SIN3B: variants seen among roughly 807,000 people sequenced by gnomAD.
The protein encoded by SIN3B is SIN3 transcription regulator family member B, also known as paired amphipathic helix protein Sin3b.
A neutral mutation model predicts 120.2 loss-of-function variants in SIN3B; 19 were observed. That is an observed-to-expected ratio of 0.16 (90% CI 0.11 to 0.23). The LOEUF (loss-of-function observed/expected upper bound fraction) is 0.23. Among genes scored for constraint, SIN3B ranks in the 10% least tolerant of loss-of-function variants. SIN3B has a pLI of 1.00. For synonymous variants in SIN3B, 654 were observed against 653.2 expected, an observed-to-expected ratio of 1.00 and a Z score of -0.02; for missense variants, 1,073 against 1,573.0, an observed-to-expected ratio of 0.68 and a Z score of 5.38.
At chr19:16,854,709 G>T (rs1193808122) in intron 8 of SIN3B, 1 of 156,282 alleles carries the variant, frequency 6.4e-6, no homozygotes, top group Non-Finnish European at 1.4e-5. Context: ...GTGTGGCGGG[G>T]TGAGCGCCCT....
Position 16,831,411 on chromosome 19 carries a change from G to A in SIN3B, c.228-83G>A, listed in dbSNP as rs1319240463. ...TGTCTGTTGAGAAGGTTTTTATGTG[G>A]CAGTATCAAGGGAGTGGGGAATAGA... On this transcript the variant is annotated intron_variant, in intron 2 of 18. Coordinates refer to ENST00000248054, the MANE Select transcript of SIN3B (RefSeq NM_001297595.2). 12 of 1,369,582 alleles carry A rather than the reference G, an allele frequency of 8.8e-6. No homozygotes were observed. The East Asian group carries it at 2.1e-4, about 24-fold the overall frequency. The allele number at this position is 1,369,582 out of a possible 1,614,324, so 84.8% of individuals were successfully genotyped here.
chr19:16,862,607 A>C lies in SIN3B; in HGVS notation c.1266+48A>C. ...TGTTCGTTGACATGGTGCATCCCCC[A>C]CCCCTCCCCAGCAAACACCCGATAC... is the stretch of plus-strand genomic sequence containing the variant. On this transcript the variant is annotated intron_variant, in intron 9 of 18. Coordinates refer to ENST00000248054, the MANE Select transcript of SIN3B (RefSeq NM_001297595.2). This position sits in a 1 kb window ranked among gnomAD's most constrained non-coding sequence, Gnocchi z 4.7. 2 of 1,508,260 alleles carry C rather than the reference A, an allele frequency of 1.3e-6. No individual in the cohort carries two copies. Among genetic ancestry groups the C allele is most frequent in the East Asian group, 2.3e-5 (1 of 43,456 alleles). The allele number at this position is 1,508,260 out of a possible 1,614,324, so 93.4% of individuals were successfully genotyped here.
intron 5 of SIN3B, among the ~76,000 whole-genome samples, chr19:16,849,566 C>T (rs543352959): frequency 2.6e-5 from 4 of 152,164 alleles, no homozygotes; most frequent in Non-Finnish European, 4.4e-5. Context: ...TTGCCATTCC[C>T]TAGCCTAGGT....
At chr19:16,854,290 A>G (rs1568418488) in intron 8 of SIN3B, 29 bp downstream of exon 8, 2 of 1,463,768 alleles carry the variant, frequency 1.4e-6, no homozygotes, top group Admixed American at 1.8e-5. Flanking sequence ...AGGGCTCCCT[A>G]GGGGGGTTCT....
At chr19:16,868,108 C>T (rs970464982) in intron 12 of SIN3B, among the ~76,000 whole-genome samples, 1 of 152,136 alleles carries the variant, frequency 6.6e-6, no homozygotes, top group Non-Finnish European at 1.5e-5. Flanking sequence ...GGTTACAGAT[C>T]ATGGACATGG....
At chr19:16,878,076 A>G (rs1485323193) in intron 17 of SIN3B, 107 bp from the exon 18 acceptor site, 3 of 899,140 alleles carry the variant, frequency 3.3e-6, no homozygotes, top group African/African-American at 1.7e-5. Flanking sequence ...GACCCCTGGG[A>G]GGTAGCACAT....
At position 16,847,083 on chromosome 19, in the gene SIN3B, A is replaced by G. The variant is rs1446424014; in HGVS notation, c.696A>G (p.Gly232=). 6.2e-7 allele frequency: 1 copy of G among 1,613,844 alleles called. No individual in the cohort carries two copies. The highest frequency in any genetic ancestry group is 8.5e-7 in the Non-Finnish European group (1 of 1,179,808). The change falls in exon 5 of 19, where the codon GGA becomes GGG. Residue 232 remains glycine (G), a synonymous_variant. Transcript: ENST00000248054. ...AGGAGGACCTGCTCTCAGAGTTTGG[A>G]CAGTTCCTGCCCGAAGCCAAGCGGT... ...RGQEDLLSEF[G]QFLPEAKRSL...
At position 16,869,460 on chromosome 19, in the gene SIN3B, C is replaced by G; in HGVS notation, c.1807C>G (p.His603Asp). ...LNEIESVYDE[H>D]QEQHSEGRSA... ...CTAATGGCCGCCCTTCCCCCCACAG[C>G]ACCAGGAGCAGCACTCGGAGGGCCG... The change falls in exon 13 of 19, where the codon CAC becomes GAC. Residue 603 changes from histidine (H) to aspartate (D), a missense_variant and splice_region_variant. His to Asp is a moderately conservative substitution (Grantham distance 81, BLOSUM62 -1). Transcript: ENST00000248054. 1 of 1,602,622 alleles carries G rather than the reference C, an allele frequency of 6.2e-7. No individual in the cohort carries two copies. Among genetic ancestry groups the G allele is most frequent in the Non-Finnish European group, 8.5e-7 (1 of 1,171,860 alleles).
chr19:16,855,805 C>T (rs1314869968), intron 8 of SIN3B: 1 of 152,206 alleles, frequency 6.6e-6, no homozygotes, highest in African/African-American at 2.4e-5. Context: ...CCTGTAATCC[C>T]AACACTTTGG....
rs758944564 is a variant in SIN3B, at chr19:16,869,507, G to C, written c.1854G>C (p.Pro618=). 1 of 1,613,374 alleles carries C rather than the reference G, an allele frequency of 6.2e-7. No individual in the cohort carries two copies. Among genetic ancestry groups the C allele is most frequent in the Non-Finnish European group, 8.5e-7 (1 of 1,179,774 alleles). The change falls in exon 13 of 19, where the codon CCG becomes CCC. Residue 618 remains proline, a synonymous_variant. Transcript: ENST00000248054. ...GCCGCAGTGCCCCCTCTAGCGAGCCGCACCTCATCTTTGTGTACGAGGACC... is the reference window on the plus strand; with the variant it reads ...GCCGCAGTGCCCCCTCTAGCGAGCCCCACCTCATCTTTGTGTACGAGGACC... ...SEGRSAPSSE[P]HLIFVYEDRQ...
intron 3 of SIN3B, among the ~76,000 whole-genome samples, chr19:16,839,037 A>G (rs995191732): frequency 7.6e-6 from 1 of 132,404 alleles, no homozygotes; most frequent in Non-Finnish European, 1.5e-5. Flanking sequence ...GCGGTGGTGC[A>G]TTGTCGGCTC....
At chr19:16,870,206 G>A in intron 13 of SIN3B, 131 bp downstream of exon 13, 1 of 1,129,292 alleles carries the variant, frequency 8.9e-7, no homozygotes, top group African/African-American at 1.6e-5. Flanking sequence ...ATTTCAAATG[G>A]GAAATTGCAA....
rs1455737003 is a variant in SIN3B, at chr19:16,829,534, G to A, written c.114G>A (p.Pro38=). ...GCTCCGCAGGCCACGAGAAGCTGCC[G>A]GTGCACGTGAGTGGCGTCCCCGCCC... The part of the protein sequence containing the change: ...RSGSAGHEKL[P]VHVEDALTYL... The change falls in exon 1 of 19, where the codon CCG becomes CCA. Residue 38 remains proline (P), a synonymous_variant. Coordinates refer to ENST00000248054, the MANE Select transcript of SIN3B (RefSeq NM_001297595.2). 8.9e-6 allele frequency: 11 copies of A among 1,229,056 alleles called. 1 individual carries two copies. Among genetic ancestry groups the A allele is most frequent in the Non-Finnish European group, 9.1e-6 (9 of 985,768 alleles). 76.1% of individuals were successfully genotyped at this position (1,229,056 alleles called of 1,614,324 possible).
chr19:16,836,990 A>T (rs950136103), intron 3 of SIN3B, among the ~76,000 whole-genome samples: 2 of 152,032 alleles, frequency 1.3e-5, no homozygotes, highest in African/African-American at 4.8e-5. Flanking sequence ...TGCACAGTCA[A>T]GGTGGGGGGT....
intron 5 of SIN3B, among the ~76,000 whole-genome samples, chr19:16,849,747 A>G (rs998116578): frequency 1.3e-5 from 2 of 152,138 alleles, no homozygotes; most frequent in African/African-American, 4.8e-5. Flanking sequence ...CATTTGTCAT[A>G]TGGTCGCCCA....
rs547494352 is a variant in SIN3B, at chr19:16,878,172, T to A, written c.2955-11T>A. On this transcript the variant is annotated splice_polypyrimidine_tract_variant and intron_variant, in intron 17 of 18. Coordinates refer to ENST00000248054, the MANE Select transcript of SIN3B (RefSeq NM_001297595.2). ...AGAGCCAGAGTCCATTCCACCTCCTTTCGCCCCCAGGAACCTCAAGAAGTT... is the reference window on the plus strand; with the variant it reads ...AGAGCCAGAGTCCATTCCACCTCCTATCGCCCCCAGGAACCTCAAGAAGTT... The A allele has an allele frequency of 6.4e-7, 1 of 1,551,560 alleles. No homozygotes were observed. Among genetic ancestry groups the A allele is most frequent in the Non-Finnish European group, 8.7e-7 (1 of 1,145,614 alleles).
At chr19:16,848,975 G>C (rs1971512704) in intron 5 of SIN3B, among the ~76,000 whole-genome samples, 2 of 152,202 alleles carry the variant, frequency 1.3e-5, no homozygotes, top group Non-Finnish European at 1.5e-5. Flanking sequence ...AGGGCACCCG[G>C]CTAGCTCAGT....
intron 14 of SIN3B, among the ~76,000 whole-genome samples, chr19:16,875,585 G>A (rs1599617795): frequency 7.3e-6 from 1 of 136,600 alleles, no homozygotes; most frequent in East Asian, 2.4e-4. Flanking sequence ...GTCTGGTTTG[G>A]TTTTGGTTTG....
intron 6 of SIN3B, 126 bp from the exon 7 acceptor site, chr19:16,852,943 C>T: frequency 2.9e-6 from 2 of 688,112 alleles, no homozygotes; most frequent in South Asian, 4.3e-5. Context: ...CTGTCCCTCA[C>T]TGAGCATCTC....
Sources: gnomAD v4.1 joint callset for allele counts (sites outside exome capture counted in the v4.1 genomes callset) on GRCh38, gnomAD v4.1.1 for gene constraint, Gnocchi (gnomAD v3.1) non-coding constraint, MANE v1.5 for transcripts, NCBI Gene and HGNC (gene_info 2026-07-23, HGNC 2026-07-21) for gene names.